The following ULK4 variants were observed in gnomAD, a reference collection of about 807,000 sequenced individuals.
The protein encoded by ULK4 is unc-51 like kinase 4.
Under a neutral mutation model 160.6 loss-of-function variants are expected in ULK4, and 133 were observed. The observed-to-expected ratio is 0.83, with a 90% CI of 0.72 to 0.96. The LOEUF is 0.96. ULK4 is among the 40% of genes least tolerant of loss of function. The pLI, the probability that ULK4 is intolerant of heterozygous loss-of-function variation, is 0.00. For synonymous variants in ULK4, 534 were observed against 539.8 expected (o/e 0.99, Z 0.15); for missense variants, 1,580 against 1,499.5 (o/e 1.05, Z -0.89).
chr3:41,298,149 T>C (rs764701214), intron 35 of ULK4, among the ~76,000 whole-genome samples: 4 of 152,144 alleles, frequency 2.6e-5, no homozygotes, highest in African/African-American at 7.2e-5. Context: ...TAAAATGCAA[T>C]AGATGGAAAA....
intron 30 of ULK4, among the ~76,000 whole-genome samples, chr3:41,641,572 T>C (rs1341349666): frequency 9.2e-5 from 14 of 152,114 alleles, no homozygotes; most frequent in Admixed American, 9.2e-4. Context: ...TGATAATGTG[T>C]CTGTAGTCAC....
intron 31 of ULK4, among the ~76,000 whole-genome samples, chr3:41,591,494 T>TAA (rs57967274): frequency 1.7e-3 from 246 of 143,842 alleles, no homozygotes; most frequent in African/African-American, 5.2e-3. Context: ...CTGATGAGCT[T>TAA]AAAAAAAAAA....
At chr3:41,900,430 G>A (rs1021773988) in intron 13 of ULK4, among the ~76,000 whole-genome samples, 2 of 152,156 alleles carry the variant, frequency 1.3e-5, no homozygotes, top group Non-Finnish European at 2.9e-5. Flanking sequence ...GAGGTCAAGA[G>A]GCTGGCAACC....
intron 32 of ULK4, among the ~76,000 whole-genome samples, chr3:41,483,510 A>G (rs1461568233): frequency 6.6e-6 from 1 of 152,154 alleles, no homozygotes; most frequent in East Asian, 1.9e-4. Context: ...GTGACTGTAT[A>G]AACACTATTC....
intron 32 of ULK4, among the ~76,000 whole-genome samples, chr3:41,486,485 G>A (rs2084538290): frequency 6.6e-6 from 1 of 152,186 alleles, no homozygotes; most frequent in Admixed American, 6.5e-5. Context: ...CTCAAAGGCA[G>A]GCAGGGGAGT....
chr3:41,807,466 G>A (rs960388329), intron 19 of ULK4, among the ~76,000 whole-genome samples: 3 of 152,112 alleles, frequency 2.0e-5, no homozygotes, highest in Non-Finnish European at 4.4e-5. Flanking sequence ...AAGATATTGA[G>A]TAATGTCTAA....
intron 15 of ULK4, among the ~76,000 whole-genome samples, chr3:41,895,870 C>G (rs1698134489): frequency 6.6e-6 from 1 of 152,126 alleles, no homozygotes; most frequent in Non-Finnish European, 1.5e-5. Context: ...AGCAAATGAA[C>G]TTAAATTTTT....
chr3:41,874,208 G>A (rs1348315762), intron 17 of ULK4, among the ~76,000 whole-genome samples: 3 of 152,126 alleles, frequency 2.0e-5, no homozygotes, highest in East Asian at 1.9e-4. Context: ...CAAGCTAGGC[G>A]AGAGAGAAGA....
At chr3:41,739,491 A>G (rs2038170000) in intron 22 of ULK4, among the ~76,000 whole-genome samples, 1 of 151,906 alleles carries the variant, frequency 6.6e-6, no homozygotes, top group Admixed American at 6.6e-5. Context: ...GTTGCACCCT[A>G]TGTTTAAACT....
chr3:41,818,113 CAA>C (rs35468475), intron 19 of ULK4, among the ~76,000 whole-genome samples: 6,366 of 99,126 alleles, frequency 0.064, 296 homozygotes, highest in African/African-American at 0.14. Context: ...GGAGTTTCCT[CAA>C]AAAAAAAAAA....
intron 32 of ULK4, among the ~76,000 whole-genome samples, chr3:41,470,818 C>G (rs1176030058): frequency 1.3e-5 from 2 of 151,762 alleles, no homozygotes; most frequent in Non-Finnish European, 2.9e-5. Flanking sequence ...ATGGTAATCA[C>G]AAAATAAAAA....
chr3:41,684,939 C>A (rs951892906), intron 27 of ULK4, among the ~76,000 whole-genome samples: 1 of 152,228 alleles, frequency 6.6e-6, no homozygotes, highest in Non-Finnish European at 1.5e-5. Flanking sequence ...AAATTCCTAG[C>A]AAGCTTGAAA....
intron 17 of ULK4, among the ~76,000 whole-genome samples, chr3:41,879,023 G>C (rs9829586): frequency 0.047 from 7,106 of 152,150 alleles, 324 homozygotes; most frequent in African/African-American, 0.12. Flanking sequence ...TAAAGCTTCT[G>C]GTATTCCAAT....
intron 32 of ULK4, among the ~76,000 whole-genome samples, chr3:41,487,552 T>C (rs2084583791): frequency 6.6e-6 from 1 of 152,176 alleles, no homozygotes; most frequent in African/African-American, 2.4e-5. Context: ...AGGAATGTGG[T>C]ATATGGATAT....
chr3:41,724,702 G>A lies in ULK4; in HGVS notation c.2322-6841C>T, dbSNP rs186962132. 2.4e-3 allele frequency among the ~76,000 whole-genome samples: 370 copies of A among 152,080 alleles called. 1 individual carries two copies. The highest frequency in any genetic ancestry group is 7.9e-3 in the African/African-American group (329 of 41,502). On this transcript the variant is annotated intron_variant, in intron 22 of 36. Transcript: ENST00000301831. The stretch of plus-strand genomic sequence containing the variant: ...TGCACCACTGCACGCCAGCCTGGGC[G>A]ACAGAGTGAGACTCTGTCTCAAAAC...
intron 34 of ULK4, among the ~76,000 whole-genome samples, chr3:41,435,435 T>C (rs9810649): frequency 0.26 from 40,182 of 151,692 alleles, 5,801 homozygotes; most frequent in African/African-American, 0.38. Context: ...TAACTATATA[T>C]CTGTTTCTAG....
In ULK4 at chr3:41,435,073, A is replaced by T. The variant is rs576541253; in HGVS notation, c.3492+20424T>A. On this transcript the variant is annotated intron_variant, in intron 34 of 36. Transcript: ENST00000301831. ...AATCTTTAATTATGAGCTGAACCATAATTATAAAAAGTTATGAGTTGAAAA... is the reference window on the plus strand; with the variant it reads ...AATCTTTAATTATGAGCTGAACCATTATTATAAAAAGTTATGAGTTGAAAA... 2.0e-4 allele frequency among the ~76,000 whole-genome samples: 30 copies of T among 152,340 alleles called. 1 individual carries two copies. The highest frequency in any genetic ancestry group is 7.0e-4 in the African/African-American group (29 of 41,572).
intron 30 of ULK4, among the ~76,000 whole-genome samples, chr3:41,647,408 A>G (rs2125732043): frequency 6.6e-6 from 1 of 152,266 alleles, no homozygotes; most frequent in South Asian, 2.1e-4. Context: ...TTTTCCTTCT[A>G]ACAGACAGGA....
chr3:41,486,591 C>T lies in ULK4; in HGVS notation c.3227-23338G>A, dbSNP rs1172850568. Among the ~76,000 whole-genome samples the T allele has an allele frequency of 2.0e-5, 3 of 152,084 alleles. No homozygotes were observed. In the East Asian group the frequency reaches 5.8e-4, roughly 29 times the overall value. On this transcript the variant is annotated intron_variant, in intron 32 of 36. Transcript: ENST00000301831. ...GGAAGCATGGAGGTAGATGGCCTAA[C>T]TAGAAGTAGAGCAATTTGTGCTACT...
Sources: allele counts gnomAD v4.1 joint callset (sites outside exome capture counted in the v4.1 genomes callset), GRCh38; gene constraint gnomAD v4.1.1; transcripts MANE v1.5; gene names NCBI Gene and HGNC (gene_info 2026-07-23, HGNC 2026-07-21).